Variants in RHO observed in about 807,000 individuals in gnomAD.
RHO encodes opsin 2, rod pigment.
Under a neutral mutation model 31.2 loss-of-function variants are expected in RHO, and 21 were observed. The ratio of observed to expected loss-of-function variants is 0.67; its 90% CI spans 0.48 to 0.97. RHO has a LOEUF of 0.97. Ranked by LOEUF, RHO falls within the 50% of genes least tolerant of loss-of-function variation. The probability of loss-of-function intolerance (pLI) is 0.00; values close to 1 mark genes in which losing one functional copy is unlikely to be tolerated. For synonymous variants in RHO, 211 were observed against 196.6 expected (o/e 1.07, Z -0.61); for missense variants, 414 against 479.5 (o/e 0.86, Z 1.28).
In RHO at chr3:129,529,051, G is replaced by GC; in HGVS notation, c.321dup (p.Thr108HisfsTer15). 1 of 1,613,296 alleles carries GC rather than the reference G, an allele frequency of 6.2e-7. No homozygotes were observed. Among genetic ancestry groups the GC allele is most frequent in the Non-Finnish European group, 8.5e-7 (1 of 1,179,284 alleles). ...CTCTGCATGGATACTTCGTCTTCGG[G>GC]CCCACAGGATGCAATTTGGAGGGCT... is the stretch of plus-strand genomic sequence containing the variant. On this transcript the variant is annotated frameshift_variant, in exon 1 of 5. Coordinates refer to ENST00000296271, the MANE Select transcript of RHO (RefSeq NM_000539.3). LOFTEE classifies it high-confidence loss of function.
At chr3:129,530,705 C>T (rs1230542126) in intron 1 of RHO, among the ~76,000 whole-genome samples, 171 bp from the exon 2 acceptor site, 1 of 152,186 alleles carries the variant, frequency 6.6e-6, no homozygotes, top group Non-Finnish European at 1.5e-5. Flanking sequence ...CGTGTGGTCC[C>T]TCTGCCCCTT....
intron 1 of RHO, among the ~76,000 whole-genome samples, chr3:129,530,523 A>ACC (rs1180546861): frequency 1.8e-4 from 24 of 131,564 alleles, no homozygotes; most frequent in African/African-American, 7.0e-4. Context: ...ACACACACAC[A>ACC]CACACACACA....
Position 129,528,824 on chromosome 3 carries a change from C to G in RHO, c.91C>G (p.Leu31Val), listed in dbSNP as rs773077062. 1 of 1,614,254 alleles carries G rather than the reference C, an allele frequency of 6.2e-7. No individual in the cohort carries two copies. Among genetic ancestry groups the G allele is most frequent in the East Asian group, 2.2e-5 (1 of 44,884 alleles). Residue 31 changes from leucine (L) to valine (V), a missense_variant, in exon 1 of 5, where the codon CTG (leucine) becomes GTG (valine). Transcript: ENST00000296271. ...CCCCTTCGAGTACCCACAGTACTAC[C>G]TGGCTGAGCCATGGCAGTTCTCCAT... ...RSPFEYPQYY[L>V]AEPWQFSMLA...
intron 4 of RHO, 33 bp from the exon 5 acceptor site, chr3:129,533,575 C>G (rs1264004508): frequency 1.9e-5 from 29 of 1,504,202 alleles, no homozygotes; most frequent in Non-Finnish European, 2.6e-5. Context: ...CTGTGGGCAG[C>G]CCTGGCCCTG....
intron 1 of RHO, among the ~76,000 whole-genome samples, chr3:129,530,623 C>T (rs1271560435): frequency 6.6e-6 from 1 of 151,552 alleles, no homozygotes; most frequent in Non-Finnish European, 1.5e-5. Flanking sequence ...GATTCGTGTC[C>T]CTTATGGGCC....
chr3:129,532,548 CAGGAG>C lies in RHO; in HGVS notation c.713_717del (p.Gln238LeufsTer91). 6.2e-7 allele frequency: 1 copy of C among 1,614,118 alleles called. No individual in the cohort carries two copies. Among genetic ancestry groups the C allele is most frequent in the Admixed American group, 1.7e-5 (1 of 60,022 alleles). On this transcript the variant is annotated frameshift_variant, in exon 4 of 5. Transcript: ENST00000296271. LOFTEE classifies it high-confidence loss of function. The surrounding 1 kb of genome is among the most constrained non-coding windows in gnomAD (Gnocchi z 5.5). ...TGTCCTGCAGGCCGCTGCCCAGCAGCAGGAGTCAGCCACCACACAGAAGGCAGAGA... is the reference window on the plus strand; with the variant it reads ...TGTCCTGCAGGCCGCTGCCCAGCAGCTCAGCCACCACACAGAAGGCAGAGA...
At chr3:129,529,242 C>T (rs115345357) in intron 1 of RHO, 148 bp downstream of exon 1, 12,303 of 1,059,802 alleles carry the variant, frequency 0.012, 98 homozygotes, top group Middle Eastern at 0.036. Flanking sequence ...ATTCAGTCAA[C>T]AAACACCATT....
chr3:129,533,281 T>C (rs538825293), intron 4 of RHO, among the ~76,000 whole-genome samples: 42 of 152,202 alleles, frequency 2.8e-4, no homozygotes, highest in Non-Finnish European at 5.4e-4. Context: ...CTCTGTGCTT[T>C]GGTTTCCTCA....
At position 129,535,332 on chromosome 3, in the gene RHO, G is replaced by A. The variant is rs1560047883; in HGVS notation, c.*1614G>A. ...AGGTGGAGGAGGCAGTCCTGGGAAT[G>A]GGAAAAACCCCAACTTTGGGGTCAT... On this transcript the variant is annotated 3_prime_UTR_variant, in exon 5 of 5. Coordinates refer to ENST00000296271, the MANE Select transcript of RHO (RefSeq NM_000539.3). Among the ~76,000 whole-genome samples, 1 of 99,140 alleles carries A rather than the reference G, an allele frequency of 1.0e-5. No individual in the cohort carries two copies. The highest frequency in any genetic ancestry group is 1.8e-5 in the Non-Finnish European group (1 of 56,330). 65.0% of individuals were successfully genotyped at this position (99,140 alleles called of 152,430 possible).
intron 4 of RHO, 75 bp from the exon 5 acceptor site, chr3:129,533,533 C>A: frequency 9.1e-7 from 1 of 1,102,748 alleles, no homozygotes; most frequent in East Asian, 2.4e-5. Context: ...AGGGTCGGGG[C>A]GAACCTCACT....
chr3:129,530,970 T>G lies in RHO; in HGVS notation c.456T>G (p.His152Gln). Residue 152 changes from histidine to glutamine, a missense_variant, in exon 2 of 5, where the codon CAT (histidine) becomes CAG (glutamine). Physicochemically the swap from His to Gln is conservative, Grantham distance 24. Transcript: ENST00000296271. ...GCAACTTCCGCTTCGGGGAGAACCATGCCATCATGGGCGTTGCCTTCACCT... is the reference window on the plus strand; with the variant it reads ...GCAACTTCCGCTTCGGGGAGAACCAGGCCATCATGGGCGTTGCCTTCACCT... ...PMSNFRFGENHAIMGVAFTWV... is the reference protein window; with the variant it reads ...PMSNFRFGENQAIMGVAFTWV... 6.2e-7 allele frequency: 1 copy of G among 1,614,244 alleles called. No individual in the cohort carries two copies. Among genetic ancestry groups the G allele is most frequent in the Admixed American group, 1.7e-5 (1 of 60,028 alleles).
intron 1 of RHO, 85 bp downstream of exon 1, chr3:129,529,179 G>A: frequency 2.7e-6 from 4 of 1,499,530 alleles, no homozygotes; most frequent in Non-Finnish European, 2.7e-6. Flanking sequence ...GGTGGTGGCT[G>A]AGAGGCCTTC....
At chr3:129,531,748 C>T (rs1035021501) in intron 2 of RHO, among the ~76,000 whole-genome samples, 1 of 152,234 alleles carries the variant, frequency 6.6e-6, no homozygotes, top group Non-Finnish European at 1.5e-5. Context: ...TCCACTGTCA[C>T]CAATATCAGG....
At chr3:129,529,902 A>C (rs1396756083) in intron 1 of RHO, among the ~76,000 whole-genome samples, 2 of 152,206 alleles carry the variant, frequency 1.3e-5, no homozygotes, top group South Asian at 4.1e-4. Flanking sequence ...ACAAGAGCCT[A>C]GGTCTCCTGG....
rs1553781099 is a variant in RHO at position 129,530,533 on chromosome 3, A to ACACACACAAC, written c.362-343_362-342insCACACACAAC. On this transcript the variant is annotated intron_variant, in intron 1 of 4. Coordinates refer to ENST00000296271, the MANE Select transcript of RHO (RefSeq NM_000539.3). ...CACACACACACACACACACACACAC[A>ACACACACAAC]ACACACACACACACACACACACACA... Among the ~76,000 whole-genome samples, 528 of 122,896 alleles carry ACACACACAAC rather than the reference A, an allele frequency of 4.3e-3. 7 individuals are homozygous for ACACACACAAC. The highest frequency in any genetic ancestry group is 0.02 in the African/African-American group (481 of 24,550). 80.6% of individuals were successfully genotyped at this position (122,896 alleles called of 152,430 possible). A position where few individuals can be genotyped will look rare whatever the true frequency, so the allele number is the denominator to read the frequency against.
chr3:129,533,528 C>A (rs1000029963), intron 4 of RHO, 80 bp from the exon 5 acceptor site: 3 of 1,045,062 alleles, frequency 2.9e-6, no homozygotes, highest in South Asian at 1.3e-5. Context: ...GGCAAAGGGT[C>A]GGGGCGAACC....
In RHO at chr3:129,529,695, GC is replaced by G. The variant is rs544170990; in HGVS notation, c.361+603del. Among the ~76,000 whole-genome samples, 34 of 152,338 alleles carry G rather than the reference GC, an allele frequency of 2.2e-4. No individual in the cohort carries two copies. The South Asian group carries it at 7.0e-3, about 32-fold the overall frequency. On this transcript the variant is annotated intron_variant, in intron 1 of 4. Transcript: ENST00000296271. ...CCTCAGGTGCCCCTCCAGCCTCCCTGCCGCGTTCCAAGTCTCCTGGTGTTGA... is the reference window on the plus strand; with the variant it reads ...CCTCAGGTGCCCCTCCAGCCTCCCTGCGCGTTCCAAGTCTCCTGGTGTTGA...
rs1426158544 is a variant in RHO at position 129,533,754 on chromosome 3, C to T, written c.*36C>T. 7.2e-7 allele frequency: 1 copy of T among 1,396,718 alleles called. No individual in the cohort carries two copies. Among genetic ancestry groups the T allele is most frequent in the East Asian group, 2.3e-5 (1 of 43,850 alleles). The allele number at this position is 1,396,718 out of a possible 1,614,324, so 86.5% of individuals were successfully genotyped here. Reference sequence around the variant, plus strand: ...GGACTCTGTGGCCGACTATAGGCGTCTCCCATCCCCTACACCTTCCCCCAG... The same window carrying T: ...GGACTCTGTGGCCGACTATAGGCGTTTCCCATCCCCTACACCTTCCCCCAG... On this transcript the variant is annotated 3_prime_UTR_variant, in exon 5 of 5. Coordinates refer to ENST00000296271, the MANE Select transcript of RHO (RefSeq NM_000539.3).
Position 129,533,680 on chromosome 3 carries a change from G to A in RHO, c.1009G>A (p.Val337Met), listed in dbSNP as rs201989308. Residue 337 changes from valine (V) to methionine (M), a missense_variant, in exon 5 of 5, where the codon GTG becomes ATG. Physicochemically the swap from Val to Met is conservative, Grantham distance 21. Transcript: ENST00000296271. ...GGGTGACGATGAGGCCTCTGCTACC[G>A]TGTCCAAGACGGAGACGAGCCAGGT... Reference protein sequence around the residue: ...PLGDDEASATVSKTETSQVAP... With the variant: ...PLGDDEASATMSKTETSQVAP... 2.3e-5 allele frequency: 37 copies of A among 1,614,050 alleles called. 1 individual carries two copies. The highest frequency in any genetic ancestry group is 3.3e-4 in the Middle Eastern group (2 of 6,062).
Sources: gnomAD v4.1 joint callset for allele counts (sites outside exome capture counted in the v4.1 genomes callset) on GRCh38, gnomAD v4.1.1 for gene constraint, Gnocchi (gnomAD v3.1) non-coding constraint, MANE v1.5 for transcripts, NCBI Gene and HGNC (gene_info 2026-07-23, HGNC 2026-07-21) for gene names.